SOX6: variants seen among roughly 807,000 people sequenced by gnomAD.
SOX6 encodes SRY-box transcription factor 6, also known as transcription factor SOX-6.
SOX6 carries 11 observed loss-of-function variants against 97.8 expected under a neutral mutation model. That is an observed-to-expected ratio of 0.11 (90% confidence interval 0.07 to 0.19). SOX6 has a LOEUF of 0.19. SOX6 is among the 10% of genes least tolerant of loss of function. SOX6 has a pLI of 1.00. For missense variants in SOX6, 810 were observed against 1,039.5 expected (o/e 0.78, Z 3.04); for synonymous variants, 360 against 371.4 (o/e 0.97, Z 0.35).
At chr11:16,632,317 C>G (rs1848719274) in intron 3 of SOX6, among the ~76,000 whole-genome samples, 1 of 152,028 alleles carries the variant, frequency 6.6e-6, no homozygotes, top group African/African-American at 2.4e-5. Context: ...GCTGGCTTTG[C>G]TTCTAAAGTC....
intron 2 of SOX6, among the ~76,000 whole-genome samples, chr11:16,731,444 C>T (rs185165942): frequency 1.2e-4 from 18 of 152,234 alleles, no homozygotes; most frequent in East Asian, 3.9e-4. Flanking sequence ...GTTCAACATA[C>T]GCAAATCAAT....
chr11:15,978,358 A>G (rs1853554757), intron 15 of SOX6, among the ~76,000 whole-genome samples: 1 of 152,070 alleles, frequency 6.6e-6, no homozygotes. Flanking sequence ...AATAATCTTC[A>G]TATTGTTAAA....
chr11:15,976,940 G>A (rs1418742537), intron 15 of SOX6, among the ~76,000 whole-genome samples: 1 of 151,934 alleles, frequency 6.6e-6, no homozygotes, highest in African/African-American at 2.4e-5. Flanking sequence ...CGGAAGAGTT[G>A]GTTATTTGCT....
In SOX6 at chr11:16,653,763, A is replaced by T. The variant is rs539544703; in HGVS notation, n.430-41503T>A. ...CAAAAAGGCATGTTCCCCAAAAATT[A>T]TTGAAATAAAAAATAAAATGAAATG... is the stretch of plus-strand genomic sequence containing the variant. On this transcript the variant is annotated intron_variant and non_coding_transcript_variant, in intron 3 of 5. Transcript: ENST00000524520. 7.2e-5 allele frequency among the ~76,000 whole-genome samples: 11 copies of T among 152,282 alleles called. No individual in the cohort carries two copies. The South Asian group carries it at 1.7e-3, about 23-fold the overall frequency.
At chr11:16,555,264 T>C (rs1847737933) in intron 4 of SOX6, among the ~76,000 whole-genome samples, 1 of 151,940 alleles carries the variant, frequency 6.6e-6, no homozygotes, top group Non-Finnish European at 1.5e-5. Flanking sequence ...GAAAACTTAC[T>C]AAATCATTCA....
chr11:16,079,502 A>C (rs1848427893), intron 9 of SOX6, among the ~76,000 whole-genome samples: 1 of 152,178 alleles, frequency 6.6e-6, no homozygotes, highest in African/African-American at 2.4e-5. Context: ...AAGATTGCAA[A>C]CAAAAATCAT....
chr11:15,983,125 C>T (rs1853721333), intron 15 of SOX6, among the ~76,000 whole-genome samples: 1 of 151,996 alleles, frequency 6.6e-6, no homozygotes, highest in Admixed American at 6.6e-5. Flanking sequence ...AAGCCAGATA[C>T]ATACAAACAA....
chr11:16,274,830 T>C lies in SOX6; in HGVS notation c.446-40159A>G, dbSNP rs563884775. ...TCTCAACTAAGAGATTTCCCCTAAATAAATTATTAGGCCTTTTGGCTTTGT... is the reference window on the plus strand; with the variant it reads ...TCTCAACTAAGAGATTTCCCCTAAACAAATTATTAGGCCTTTTGGCTTTGT... On this transcript the variant is annotated intron_variant, in intron 3 of 15. Transcript: ENST00000683767. Among the ~76,000 whole-genome samples the C allele has an allele frequency of 1.3e-4, 20 of 152,258 alleles. 1 individual carries two copies. Among genetic ancestry groups the C allele is most frequent in the African/African-American group, 4.6e-4 (19 of 41,564 alleles).
chr11:16,133,601 A>G (rs1849877202), intron 6 of SOX6, among the ~76,000 whole-genome samples: 1 of 152,254 alleles, frequency 6.6e-6, no homozygotes, highest in Admixed American at 6.5e-5. Flanking sequence ...CAAAGACCTA[A>G]GGACAGATAC....
intron 3 of SOX6, among the ~76,000 whole-genome samples, chr11:16,255,936 A>C (rs1345847244): frequency 6.6e-6 from 1 of 151,948 alleles, no homozygotes; most frequent in East Asian, 1.9e-4. Context: ...TCTTTTTAAC[A>C]ACTCCATAGC....
At chr11:16,198,894 C>A (rs1180214882) in intron 4 of SOX6, among the ~76,000 whole-genome samples, 1 of 152,046 alleles carries the variant, frequency 6.6e-6, no homozygotes. Context: ...ATAATTCTAC[C>A]GAGAAAACTG....
chr11:16,081,406 C>CA (rs1354392850), intron 9 of SOX6, among the ~76,000 whole-genome samples: 9 of 151,490 alleles, frequency 5.9e-5, no homozygotes, highest in African/African-American at 1.7e-4. Context: ...AAAGATGACA[C>CA]AAAAAAAATG....
chr11:16,701,947 T>G (rs1848098140), intron 3 of SOX6, among the ~76,000 whole-genome samples: 1 of 152,062 alleles, frequency 6.6e-6, no homozygotes, highest in East Asian at 1.9e-4. Context: ...ATACTCTGCA[T>G]TTGGAGAATG....
chr11:15,991,081 C>T (rs978342228), intron 13 of SOX6, among the ~76,000 whole-genome samples: 2 of 152,092 alleles, frequency 1.3e-5, no homozygotes, highest in Admixed American at 6.5e-5. Context: ...GGCAGAAAGG[C>T]TACTTTCTGA....
At position 16,046,719 on chromosome 11, in the gene SOX6, A is replaced by T. The variant is rs201794062; in HGVS notation, c.1436-18T>A. 1.2e-4 allele frequency: 191 copies of T among 1,611,194 alleles called. No homozygotes were observed. Among genetic ancestry groups the T allele is most frequent in the Non-Finnish European group, 1.6e-4 (183 of 1,178,928 alleles). ...TAGGATATCTGCATACACAGGATGCATTATTAGATGCTTGTGAGGTCAGAC... is the reference window on the plus strand; with the variant it reads ...TAGGATATCTGCATACACAGGATGCTTTATTAGATGCTTGTGAGGTCAGAC... On this transcript the variant is annotated intron_variant, in intron 11 of 15. Coordinates refer to ENST00000683767, the MANE Select transcript of SOX6 (RefSeq NM_001367873.1).
chr11:16,435,061 G>A (rs950675961), intron 1 of SOX6, among the ~76,000 whole-genome samples: 1 of 152,054 alleles, frequency 6.6e-6, no homozygotes, highest in Non-Finnish European at 1.5e-5. Flanking sequence ...ATTATTTAGA[G>A]CTCATCTGCA....
intron 13 of SOX6, among the ~76,000 whole-genome samples, chr11:16,009,028 T>A (rs1854637427): frequency 6.6e-6 from 1 of 152,026 alleles, no homozygotes; most frequent in African/African-American, 2.4e-5. Context: ...CCATTTTGGG[T>A]AGCTATGGAA....
chr11:16,239,082 G>C (rs1348134316), intron 3 of SOX6, among the ~76,000 whole-genome samples: 1 of 152,012 alleles, frequency 6.6e-6, no homozygotes, highest in East Asian at 1.9e-4. Flanking sequence ...AGGAAACACA[G>C]AGTTGCACAT....
At chr11:16,566,534 T>C (rs112628958) in intron 4 of SOX6, among the ~76,000 whole-genome samples, 19 of 152,352 alleles carry the variant, frequency 1.2e-4, no homozygotes, top group African/African-American at 2.6e-4. Flanking sequence ...GCTAAGCCTA[T>C]TGTATCTCAT....
Sources: gnomAD v4.1 joint callset for allele counts (sites outside exome capture counted in the v4.1 genomes callset) on GRCh38, gnomAD v4.1.1 for gene constraint, MANE v1.5 for transcripts, NCBI Gene and HGNC (gene_info 2026-07-23, HGNC 2026-07-21) for gene names.